The following NBAS variants were observed in gnomAD, a reference collection of about 807,000 sequenced individuals.
The protein encoded by NBAS is NBAS subunit of NRZ tethering complex, also known as NAG/BC035112 fusion.
A neutral mutation model predicts 302.5 loss-of-function variants in NBAS; 219 were observed. The observed-to-expected ratio is 0.72, with a 90% CI of 0.65 to 0.81. The LOEUF (loss-of-function observed/expected upper bound fraction) is 0.81, where lower values mean the gene tolerates loss of function less well. NBAS is among the 30% of genes least tolerant of loss of function. The probability of loss-of-function intolerance (pLI) is 0.00; values close to 1 mark genes in which losing one functional copy is unlikely to be tolerated. For synonymous variants in NBAS, 1,118 were observed against 1,021.6 expected (o/e 1.09, Z -1.80); for missense variants, 2,932 against 2,841.6 (o/e 1.03, Z -0.72).
chr2:15,482,247 C>G (rs1393052911), intron 12 of NBAS, among the ~76,000 whole-genome samples: 1 of 152,108 alleles, frequency 6.6e-6, no homozygotes, highest in Non-Finnish European at 1.5e-5. Flanking sequence ...CTTCCCGACT[C>G]AGCCTCCCGA....
At chr2:15,095,314 G>A in the NBAS span, among the ~76,000 whole-genome samples, 2 of 152,164 alleles carry the variant, frequency 1.3e-5, no homozygotes, top group East Asian at 1.9e-4. Flanking sequence ...ACAGTTCCAC[G>A]TGCCTGGGGA....
chr2:15,178,726 T>A (rs1664671927), intron 51 of NBAS, among the ~76,000 whole-genome samples: 1 of 152,168 alleles, frequency 6.6e-6, no homozygotes, highest in Non-Finnish European at 1.5e-5. Context: ...CCTGCTTCTG[T>A]AGAAAACTGT....
chr2:14,808,948 A>T, the NBAS span, among the ~76,000 whole-genome samples: 1 of 151,810 alleles, frequency 6.6e-6, no homozygotes, highest in East Asian at 1.9e-4. Context: ...CTTGTGTTTT[A>T]GCAAAGAAAC....
intron 25 of NBAS, among the ~76,000 whole-genome samples, chr2:15,410,563 C>A (rs1676633574): frequency 6.6e-6 from 1 of 151,014 alleles, no homozygotes; most frequent in Non-Finnish European, 1.5e-5. Flanking sequence ...GTGTATTTGA[C>A]TAAAAGGCAT....
At chr2:15,372,164 T>C (rs1045078559) in intron 31 of NBAS, among the ~76,000 whole-genome samples, 9 of 152,300 alleles carry the variant, frequency 5.9e-5, no homozygotes, top group African/African-American at 1.7e-4. Flanking sequence ...TACCCTATTA[T>C]AGAAATAACA....
chr2:15,047,006 G>T, the NBAS span, among the ~76,000 whole-genome samples: 15 of 152,188 alleles, frequency 9.9e-5, no homozygotes, highest in Non-Finnish European at 2.1e-4. Flanking sequence ...TGCTAGGCCA[G>T]GCAGATGGGA....
the NBAS span, among the ~76,000 whole-genome samples, chr2:14,815,637 A>G: frequency 2.6e-5 from 4 of 152,194 alleles, no homozygotes; most frequent in African/African-American, 9.7e-5. Context: ...TACCTTTTAT[A>G]TATTGCTAGT....
At chr2:15,286,978 A>T in intron 42 of NBAS, 95 bp downstream of exon 42, 1 of 1,036,282 alleles carries the variant, frequency 9.6e-7, no homozygotes, top group Non-Finnish European at 1.5e-6. Flanking sequence ...TTAAAGGAAA[A>T]CTAAAATTGT....
the NBAS span, among the ~76,000 whole-genome samples, chr2:14,783,317 T>TA: frequency 1.9e-3 from 288 of 152,036 alleles, 2 homozygotes; most frequent in African/African-American, 6.7e-3. Context: ...AAATTCTTTT[T>TA]TTTATTATTA....
intron 21 of NBAS, among the ~76,000 whole-genome samples, chr2:15,453,157 G>A (rs1338402040): frequency 6.6e-6 from 1 of 151,896 alleles, no homozygotes; most frequent in Admixed American, 6.6e-5. Context: ...AACTTCTGGA[G>A]ACCCTGAATT....
intron 49 of NBAS, among the ~76,000 whole-genome samples, chr2:15,187,857 C>T (rs370167308): frequency 9.2e-5 from 14 of 152,306 alleles, no homozygotes; most frequent in Admixed American, 1.3e-4. Context: ...AACAAGGGGA[C>T]GAGCCCTTGG....
the NBAS span, among the ~76,000 whole-genome samples, chr2:15,012,620 A>G: frequency 2.0e-5 from 3 of 152,196 alleles, no homozygotes; most frequent in African/African-American, 7.2e-5. Flanking sequence ...AATTGTCAAA[A>G]ATCAAAGACA....
At chr2:15,047,297 G>A in the NBAS span, among the ~76,000 whole-genome samples, 1 of 152,284 alleles carries the variant, frequency 6.6e-6, no homozygotes, top group Non-Finnish European at 1.5e-5. Context: ...CTGCAGAGAT[G>A]TGGTGCTGAC....
chr2:15,232,324 C>T, intron 47 of NBAS, 98 bp downstream of exon 47: 7 of 1,152,542 alleles, frequency 6.1e-6, no homozygotes, highest in Non-Finnish European at 8.9e-6. Flanking sequence ...AAAAATGTGG[C>T]TTAGTCTTGG....
intron 6 of NBAS, among the ~76,000 whole-genome samples, chr2:15,549,824 G>A (rs1664293169): frequency 6.6e-6 from 1 of 151,948 alleles, no homozygotes; most frequent in Non-Finnish European, 1.5e-5. Context: ...TCTCCATCAT[G>A]GCACTTAAGT....
the NBAS span, among the ~76,000 whole-genome samples, chr2:15,033,652 G>C: frequency 6.6e-6 from 1 of 152,086 alleles, no homozygotes; most frequent in Non-Finnish European, 1.5e-5. Context: ...CCTCATGAAT[G>C]AGATGAACTC....
chr2:14,822,254 C>A, the NBAS span, among the ~76,000 whole-genome samples: 1 of 152,052 alleles, frequency 6.6e-6, no homozygotes, highest in African/African-American at 2.4e-5. Context: ...CCAGAAGGGA[C>A]TGTCAACATT....
chr2:14,819,943 C>A, the NBAS span, among the ~76,000 whole-genome samples: 1 of 152,134 alleles, frequency 6.6e-6, no homozygotes, highest in Non-Finnish European at 1.5e-5. Context: ...CAGATAAATG[C>A]AAATCAAAAC....
At chr2:15,238,419 A>G in intron 45 of NBAS, 49 bp downstream of exon 45, 1 of 1,560,948 alleles carries the variant, frequency 6.4e-7, no homozygotes, top group Non-Finnish European at 8.8e-7. Flanking sequence ...GGAAAAAAGA[A>G]AGAATATACT....
Sources: allele counts gnomAD v4.1 joint callset (sites outside exome capture counted in the v4.1 genomes callset), GRCh38; gene constraint gnomAD v4.1.1; transcripts MANE v1.5; gene names NCBI Gene and HGNC (gene_info 2026-07-23, HGNC 2026-07-21).